The following BPTF variants were observed in gnomAD, a reference collection of about 807,000 sequenced individuals.
BPTF encodes nucleosome-remodeling factor subunit BPTF.
Under a neutral mutation model 292.5 loss-of-function variants are expected in BPTF, and 18 were observed. The ratio of observed to expected loss-of-function variants is 0.06; its 90% CI spans 0.04 to 0.09. BPTF has a LOEUF of 0.09. BPTF is among the 10% of genes least tolerant of loss of function. BPTF has a pLI of 1.00. For missense variants in BPTF, 2,726 were observed against 3,498.7 expected, an observed-to-expected ratio of 0.78 and a Z score of 5.57; for synonymous variants, 1,225 against 1,251.9, an observed-to-expected ratio of 0.98 and a Z score of 0.45.
At chr17:67,928,312 T>G (rs2064087063) in intron 15 of BPTF, 43 bp from the exon 16 acceptor site, 1 of 1,552,162 alleles carries the variant, frequency 6.4e-7, no homozygotes, top group Non-Finnish European at 8.7e-7. Flanking sequence ...TGTTTTTATT[T>G]AGAACTATTT....
At chr17:67,925,696 T>TA (rs2063810186) in intron 15 of BPTF, among the ~76,000 whole-genome samples, 1 of 152,202 alleles carries the variant, frequency 6.6e-6, no homozygotes, top group South Asian at 2.1e-4. Flanking sequence ...TTAACATAGT[T>TA]ATACATAACT....
At position 67,912,202 on chromosome 17, in the gene BPTF, G is replaced by A. The variant is rs199978431; in HGVS notation, c.4318G>A (p.Val1440Ile). 5 of 1,609,386 alleles carry A rather than the reference G, an allele frequency of 3.1e-6. No homozygotes were observed. In the East Asian group the frequency reaches 6.7e-5, roughly 22 times the overall value. Residue 1440 changes from valine (V) to isoleucine (I), a missense_variant, in exon 11 of 28, where the codon GTT (valine) becomes ATT (isoleucine). Around this residue, in one of 22 missense-constraint regions of BPTF, gnomAD observed 713 missense variants for 714.9 expected, o/e 1.00. Coordinates refer to ENST00000306378, the MANE Select transcript of BPTF (RefSeq NM_182641.4). Reference protein sequence around the residue: ...RVVSGNVEPKVNNINKIIPEN... With the variant: ...RVVSGNVEPKINNINKIIPEN... ...AGTAAGTGGTAATGTTGAACCAAAG[G>A]TTAATAATATAAATAAAATAATCCC... is the stretch of plus-strand genomic sequence containing the variant.
At chr17:67,923,146 C>T (rs372113045) in intron 14 of BPTF, among the ~76,000 whole-genome samples, 156 bp downstream of exon 14, 2 of 151,382 alleles carry the variant, frequency 1.3e-5, no homozygotes, top group South Asian at 2.1e-4. Flanking sequence ...ACCTCTGCCT[C>T]CCAGGCTCGA....
chr17:67,895,964 CTT>C (rs796964349), intron 7 of BPTF, among the ~76,000 whole-genome samples: 9 of 135,318 alleles, frequency 6.7e-5, no homozygotes, highest in Non-Finnish European at 1.3e-4. Context: ...CTCAATCAGG[CTT>C]TTTTTTTTTT....
chr17:67,873,755 A>C (rs1220332432), intron 3 of BPTF, among the ~76,000 whole-genome samples: 1 of 152,194 alleles, frequency 6.6e-6, no homozygotes, highest in African/African-American at 2.4e-5. Context: ...AATAATATAG[A>C]TGTATATATT....
intron 2 of BPTF, among the ~76,000 whole-genome samples, chr17:67,864,667 G>A (rs1306871640): frequency 6.6e-6 from 1 of 152,070 alleles, no homozygotes; most frequent in African/African-American, 2.4e-5. Context: ...TCTTTCTGTG[G>A]CTTCAAGAAG....
At position 67,911,658 on chromosome 17, in the gene BPTF, T is replaced by C; in HGVS notation, c.3774T>C (p.Pro1258=). 7.4e-6 allele frequency: 12 copies of C among 1,614,192 alleles called. No homozygotes were observed. The highest frequency in any genetic ancestry group is 1.0e-5 in the Non-Finnish European group (12 of 1,180,028). Residue 1258 remains proline, a synonymous_variant, in exon 11 of 28, where the codon CCT becomes CCC. Coordinates refer to ENST00000306378, the MANE Select transcript of BPTF (RefSeq NM_182641.4). ...SSKSALHSSV[P]KSTNDRDATP... ...AGAGTGCTTTACATTCATCAGTGCC[T>C]AAAAGTACCAATGACAGAGATGCCA...
At chr17:67,969,401 A>G (rs2068502918) in intron 26 of BPTF, among the ~76,000 whole-genome samples, 1 of 145,554 alleles carries the variant, frequency 6.9e-6, no homozygotes, top group African/African-American at 2.6e-5. Flanking sequence ...GCTGTGAGAC[A>G]AGATCGCGCC....
Position 67,912,643 on chromosome 17 carries a change from G to A in BPTF, c.4759G>A (p.Glu1587Lys). ...ATCTAAAAGAAAAACCGTCATCACA[G>A]AAGTCACCACGATGACCTCCACAGT... ...GESKRKTVIT[E>K]VTTMTSTVAT... Residue 1587 changes from glutamate to lysine, a missense_variant, in exon 11 of 28, where the codon GAA becomes AAA. By Grantham distance (56) the Glu-to-Lys change is moderately conservative (BLOSUM62 1). Coordinates refer to ENST00000306378, the MANE Select transcript of BPTF (RefSeq NM_182641.4). 1 of 1,614,036 alleles carries A rather than the reference G, an allele frequency of 6.2e-7. No homozygotes were observed. Among genetic ancestry groups the A allele is most frequent in the Non-Finnish European group, 8.5e-7 (1 of 1,180,034 alleles).
chr17:67,982,085 T>C, intron 27 of BPTF, 167 bp from the exon 28 acceptor site: 1 of 661,654 alleles, frequency 1.5e-6, no homozygotes, highest in East Asian at 3.1e-5. Flanking sequence ...AGTTTTAATA[T>C]TATAGGTTAA....
At chr17:67,889,915 G>A (rs1416892798) in intron 4 of BPTF, among the ~76,000 whole-genome samples, 1 of 152,144 alleles carries the variant, frequency 6.6e-6, no homozygotes, top group East Asian at 1.9e-4. Context: ...TCCAGCCTGG[G>A]GTGGCAAGAT....
At chr17:67,961,971 CA>C (rs59543153) in intron 24 of BPTF, among the ~76,000 whole-genome samples, 39,784 of 120,504 alleles carry the variant, frequency 0.33, 5,768 homozygotes, top group East Asian at 0.72. Flanking sequence ...AAAGCTCTGT[CA>C]AAAAAAAAAA....
At chr17:67,844,567 T>TC (rs904093492) in intron 1 of BPTF, among the ~76,000 whole-genome samples, 34 of 149,606 alleles carry the variant, frequency 2.3e-4, no homozygotes, top group African/African-American at 7.6e-4. Flanking sequence ...TTCTTTTTTT[T>TC]TTTTTGTATT....
At chr17:67,908,945 C>T (rs1329839569) in intron 9 of BPTF, among the ~76,000 whole-genome samples, 1 of 150,890 alleles carries the variant, frequency 6.6e-6, no homozygotes, top group African/African-American at 2.4e-5. Flanking sequence ...AGCAATTCTC[C>T]TGCCTCAGCC....
intron 23 of BPTF, among the ~76,000 whole-genome samples, chr17:67,952,073 AAAAATT>A (rs2066424546): frequency 3.3e-5 from 5 of 151,170 alleles, no homozygotes; most frequent in Admixed American, 1.3e-4. Context: ...AAAAAAAAAA[AAAAATT>A]ATTGCTAAGG....
At chr17:67,982,082 ATAT>A (rs1302681290) in intron 27 of BPTF, 167 bp from the exon 28 acceptor site, 10 of 640,628 alleles carry the variant, frequency 1.6e-5, no homozygotes, top group Non-Finnish European at 2.9e-5. Context: ...AAAAGTTTTA[ATAT>A]TATAGGTTAA....
chr17:67,937,072 G>T (rs1044152069), intron 18 of BPTF, among the ~76,000 whole-genome samples: 1 of 152,082 alleles, frequency 6.6e-6, no homozygotes, highest in Non-Finnish European at 1.5e-5. Context: ...TAGTGGAAAA[G>T]GTAGATAATA....
chr17:67,960,484 G>C (rs2067373651), intron 24 of BPTF: 1 of 152,174 alleles, frequency 6.6e-6, no homozygotes, highest in Admixed American at 6.5e-5. Context: ...TTTGGCAGCT[G>C]GAAGCTGTTT....
chr17:67,866,347 C>G, intron 2 of BPTF, 117 bp from the exon 3 acceptor site: 2 of 736,386 alleles, frequency 2.7e-6, no homozygotes, highest in East Asian at 2.5e-5. Context: ...TTCTTGTGAG[C>G]GCCTATATTG....
Sources: allele counts gnomAD v4.1 joint callset (sites outside exome capture counted in the v4.1 genomes callset), GRCh38; gene constraint gnomAD v4.1.1; regional missense constraint gnomAD v4.1.1; transcripts MANE v1.5; gene names NCBI Gene and HGNC (gene_info 2026-07-23, HGNC 2026-07-21).